Variants in PLCB4 observed in about 807,000 individuals in gnomAD.
PLCB4 encodes 1-phosphatidylinositol 4,5-bisphosphate phosphodiesterase beta-4.
A neutral mutation model predicts 178.8 loss-of-function variants in PLCB4; 77 were observed. The ratio of observed to expected loss-of-function variants is 0.43; its 90% CI spans 0.36 to 0.52. The LOEUF (loss-of-function observed/expected upper bound fraction) is 0.52. Among genes scored for constraint, PLCB4 ranks in the 20% least tolerant of loss-of-function variants. The pLI is 0.00. For missense variants in PLCB4, 1,024 were observed against 1,453.4 expected (o/e 0.70, Z 4.80); for synonymous variants, 496 against 490.8 (o/e 1.01, Z -0.14).
chr20:9,265,136 G>A (rs2094336114), intron 3 of PLCB4, among the ~76,000 whole-genome samples: 1 of 152,160 alleles, frequency 6.6e-6, no homozygotes, highest in South Asian at 2.1e-4. Context: ...AATCTGTTCA[G>A]TGTTGTAGTA....
intron 2 of PLCB4, among the ~76,000 whole-genome samples, chr20:9,198,335 T>C (rs970747413): frequency 1.3e-5 from 2 of 152,218 alleles, no homozygotes; most frequent in African/African-American, 4.8e-5. Context: ...TAGTGTACTT[T>C]TGGTCAACAT....
chr20:9,356,393 T>C (rs888584403), intron 7 of PLCB4, among the ~76,000 whole-genome samples: 1 of 152,220 alleles, frequency 6.6e-6, no homozygotes, highest in Non-Finnish European at 1.5e-5. Flanking sequence ...TATTTTAGAA[T>C]CTGAGGCACT....
At chr20:9,374,366 C>T (rs772578606) in intron 12 of PLCB4, among the ~76,000 whole-genome samples, 10 of 152,170 alleles carry the variant, frequency 6.6e-5, no homozygotes, top group Non-Finnish European at 8.8e-5. Context: ...AGATACTATC[C>T]ACGTTCTTAT....
chr20:9,462,239 A>T (rs1356332748), intron 35 of PLCB4, among the ~76,000 whole-genome samples: 6 of 152,210 alleles, frequency 3.9e-5, no homozygotes, highest in Non-Finnish European at 8.8e-5. Context: ...AAGTTCATCT[A>T]CACCAAAACC....
chr20:9,402,341 A>G (rs1260392828), intron 20 of PLCB4, among the ~76,000 whole-genome samples: 1 of 152,244 alleles, frequency 6.6e-6, no homozygotes, highest in Non-Finnish European at 1.5e-5. Flanking sequence ...ATCACTTTCC[A>G]TGCGGAGGGA....
intron 7 of PLCB4, among the ~76,000 whole-genome samples, chr20:9,350,811 G>A (rs1336485280): frequency 2.6e-5 from 4 of 152,204 alleles, no homozygotes; most frequent in African/African-American, 4.8e-5. Flanking sequence ...CACCCACCTC[G>A]GCCTCCCAAA....
intron 3 of PLCB4, among the ~76,000 whole-genome samples, chr20:9,242,920 G>C (rs527264543): frequency 1.3e-5 from 2 of 152,274 alleles, no homozygotes; most frequent in African/African-American, 2.4e-5. Flanking sequence ...TTAGGGTTCT[G>C]TGTGGTATTG....
intron 35 of PLCB4, among the ~76,000 whole-genome samples, chr20:9,462,636 C>G (rs981080557): frequency 2.0e-5 from 3 of 152,090 alleles, no homozygotes; most frequent in Non-Finnish European, 4.4e-5. Context: ...GCTTCAATAG[C>G]TGATTCGATC....
intron 2 of PLCB4, among the ~76,000 whole-genome samples, chr20:9,119,775 T>C (rs1280956506): frequency 6.6e-6 from 1 of 152,218 alleles, no homozygotes; most frequent in African/African-American, 2.4e-5. Flanking sequence ...CGCAGTACGG[T>C]AAGTTTTATA....
intron 28 of PLCB4, among the ~76,000 whole-genome samples, chr20:9,433,005 G>A (rs2041531964): frequency 6.6e-6 from 1 of 152,100 alleles, no homozygotes; most frequent in African/African-American, 2.4e-5. Flanking sequence ...TTGTTGTGAA[G>A]AGAGATAGCA....
intron 3 of PLCB4, among the ~76,000 whole-genome samples, chr20:9,230,361 A>G (rs1198049935): frequency 2.0e-5 from 3 of 152,108 alleles, no homozygotes. Flanking sequence ...TTTGTCCATA[A>G]TAAGCAGTAT....
intron 3 of PLCB4, among the ~76,000 whole-genome samples, chr20:9,282,975 A>G (rs542456522): frequency 6.6e-6 from 1 of 152,174 alleles, no homozygotes; most frequent in African/African-American, 2.4e-5. Flanking sequence ...ATTTGTTTCA[A>G]AGCAAGTCAC....
chr20:9,437,237 A>G lies in PLCB4; in HGVS notation c.2764+85A>G. The G allele has an allele frequency of 1.6e-6, 2 of 1,250,828 alleles. 1 individual carries two copies. The highest frequency in any genetic ancestry group is 3.1e-5 in the South Asian group (2 of 63,814). The allele number at this position is 1,250,828 out of a possible 1,614,324, so 77.5% of individuals were successfully genotyped here. ...ATATCTATAGCTTTAGGAAATATAT[A>G]AATTCGAAGTTCTTTGTGGGAAAGA... On this transcript the variant is annotated intron_variant, in intron 30 of 39. Transcript: ENST00000378473.
chr20:9,156,846 TCCC>T (rs1292842827), intron 2 of PLCB4, among the ~76,000 whole-genome samples: 41 of 46,822 alleles, frequency 8.8e-4, no homozygotes, highest in African/African-American at 1.3e-3. Context: ...CCTCCCTCCC[TCCC>T]TCCCTTCCTT....
chr20:9,403,317 T>C (rs2039183662), intron 20 of PLCB4, among the ~76,000 whole-genome samples: 1 of 151,948 alleles, frequency 6.6e-6, no homozygotes, highest in African/African-American at 2.4e-5. Context: ...AAGGCCCAAG[T>C]GGAGCCCTAG....
Position 9,362,970 on chromosome 20 carries a change from G to A in PLCB4, c.444G>A (p.Lys148=), listed in dbSNP as rs753845960. 6.2e-7 allele frequency: 1 copy of A among 1,604,060 alleles called. No individual in the cohort carries two copies. Among genetic ancestry groups the A allele is most frequent in the South Asian group, 1.1e-5 (1 of 90,686 alleles). ...ANNVSPMTCL[K]KHWMKLAFMT... ...ACGTCAGTCCAATGACATGCCTCAA[G>A]AAACAGTGAGTGTTGTTTGCATTAC... is the stretch of plus-strand genomic sequence containing the variant. Residue 148 remains lysine (K), a synonymous_variant, in exon 8 of 40, where the codon AAG becomes AAA. Coordinates refer to ENST00000378473, the MANE Select transcript of PLCB4 (RefSeq NM_001377142.1).
intron 1 of PLCB4, among the ~76,000 whole-genome samples, chr20:9,084,211 C>G (rs2090294070): frequency 6.6e-6 from 1 of 152,050 alleles, no homozygotes; most frequent in East Asian, 1.9e-4. Flanking sequence ...TAGCCTGTTT[C>G]TTTATCTGTT....
At chr20:9,466,806 T>C (rs2043816410) in intron 35 of PLCB4, among the ~76,000 whole-genome samples, 1 of 152,114 alleles carries the variant, frequency 6.6e-6, no homozygotes, top group South Asian at 2.1e-4. Context: ...CGTGGAGAAA[T>C]AGGAACGCTT....
At chr20:9,129,492 A>G (rs1357842845) in intron 2 of PLCB4, among the ~76,000 whole-genome samples, 1 of 152,146 alleles carries the variant, frequency 6.6e-6, no homozygotes, top group African/African-American at 2.4e-5. Flanking sequence ...GTTTCCTGGA[A>G]TATTTCCTCC....
Sources: gnomAD v4.1 joint callset for allele counts (sites outside exome capture counted in the v4.1 genomes callset) on GRCh38, gnomAD v4.1.1 for gene constraint, MANE v1.5 for transcripts, NCBI Gene and HGNC (gene_info 2026-07-23, HGNC 2026-07-21) for gene names.